The following ACOT13 variants were observed in gnomAD, a reference collection of about 807,000 sequenced individuals.
The protein encoded by ACOT13 is acyl-coenzyme A thioesterase 13.
ACOT13 carries 10 observed loss-of-function variants against 11.8 expected under a neutral mutation model. That is an observed-to-expected ratio of 0.85 (90% CI 0.53 to 1.44). The LOEUF is 1.44. Among genes scored for constraint, ACOT13 ranks in the 40% most tolerant of loss-of-function variants. ACOT13 has a pLI of 0.00. For missense variants in ACOT13, 172 were observed against 174.1 expected, an observed-to-expected ratio of 0.99 and a Z score of 0.07; for synonymous variants, 53 against 61.0, an observed-to-expected ratio of 0.87 and a Z score of 0.61.
chr6:24,698,789 C>T (rs1392053341), intron 2 of ACOT13, among the ~76,000 whole-genome samples: 1 of 151,996 alleles, frequency 6.6e-6, no homozygotes, highest in Non-Finnish European at 1.5e-5. Flanking sequence ...AGGTGTGCGC[C>T]ACCATGCTGG....
At chr6:24,698,717 A>G (rs1158434731) in intron 2 of ACOT13, among the ~76,000 whole-genome samples, 1 of 148,982 alleles carries the variant, frequency 6.7e-6, no homozygotes, top group Non-Finnish European at 1.5e-5. Flanking sequence ...GGCTCACTTC[A>G]GCCTCCGCCT....
intron 1 of ACOT13, among the ~76,000 whole-genome samples, chr6:24,670,668 G>C (rs1011367502): frequency 1.3e-5 from 2 of 152,302 alleles, no homozygotes; most frequent in South Asian, 2.1e-4. Context: ...ACAAATTCTG[G>C]AGAAATCAGG....
intron 1 of ACOT13, among the ~76,000 whole-genome samples, chr6:24,675,628 T>G (rs1778440044): frequency 6.6e-6 from 1 of 152,232 alleles, no homozygotes; most frequent in South Asian, 2.1e-4. Context: ...TTCTGGATAT[T>G]AGCCCTTTGT....
At chr6:24,667,441 T>C in intron 1 of ACOT13, 97 bp downstream of exon 1, 1 of 1,113,220 alleles carries the variant, frequency 9.0e-7, no homozygotes, top group Admixed American at 2.0e-5. Context: ...TATCTCTTGT[T>C]AGGTTGTGTT....
At chr6:24,683,269 G>A (rs181664462) in intron 1 of ACOT13, among the ~76,000 whole-genome samples, 84 of 152,338 alleles carry the variant, frequency 5.5e-4, no homozygotes, top group African/African-American at 1.9e-3. Flanking sequence ...TGGGCCCGGT[G>A]GCTCACGCCT....
Position 24,701,555 on chromosome 6 carries a change from C to T in ACOT13, c.363C>T (p.Thr121=). The T allele has an allele frequency of 8.1e-6, 13 of 1,613,640 alleles. No homozygotes were observed. The highest frequency in any genetic ancestry group is 1.1e-5 in the Non-Finnish European group (13 of 1,179,702). ...TTGCATTTACCTCTGTGGATCTGACCAACAAGGCCACAGGAAAATTAATAG... is the reference window on the plus strand; with the variant it reads ...TTGCATTTACCTCTGTGGATCTGACTAACAAGGCCACAGGAAAATTAATAG... ...KTLAFTSVDL[T]NKATGKLIAQ... The change falls in exon 3 of 3, where the codon ACC becomes ACT. Residue 121 remains threonine (T), a synonymous_variant. Transcript: ENST00000230048.
chr6:24,698,616 C>T (rs1463751115), intron 2 of ACOT13, among the ~76,000 whole-genome samples: 1 of 151,520 alleles, frequency 6.6e-6, no homozygotes, highest in African/African-American at 2.4e-5. Flanking sequence ...TAATCTTACT[C>T]TAACAAACTG....
chr6:24,687,933 A>C (rs1043938075), intron 1 of ACOT13, among the ~76,000 whole-genome samples: 13 of 151,732 alleles, frequency 8.6e-5, no homozygotes, highest in African/African-American at 3.1e-4. Flanking sequence ...GGCTGGTCTC[A>C]AACTCCTGAC....
chr6:24,688,475 G>A (rs1436177261), intron 1 of ACOT13, among the ~76,000 whole-genome samples: 1 of 151,404 alleles, frequency 6.6e-6, no homozygotes, highest in Non-Finnish European at 1.5e-5. Context: ...AGGAGGTCGA[G>A]GCTGCAGTGA....
At chr6:24,699,812 T>C (rs1273774458) in intron 2 of ACOT13, among the ~76,000 whole-genome samples, 2 of 152,218 alleles carry the variant, frequency 1.3e-5, no homozygotes, top group Non-Finnish European at 2.9e-5. Flanking sequence ...CATGATCTAC[T>C]AAGGTACTTT....
intron 1 of ACOT13, among the ~76,000 whole-genome samples, chr6:24,681,127 T>G (rs1778541506): frequency 6.6e-6 from 1 of 152,254 alleles, no homozygotes; most frequent in Non-Finnish European, 1.5e-5. Flanking sequence ...CATTACCCTT[T>G]TCTAACATAA....
chr6:24,703,108 C>A lies in ACOT13; in HGVS notation c.*1493C>A, dbSNP rs150319382. On this transcript the variant is annotated 3_prime_UTR_variant, in exon 3 of 3. Coordinates refer to ENST00000230048, the MANE Select transcript of ACOT13 (RefSeq NM_018473.4). ...CCCAGCCTCGTCTCAAACTCCTAGGCTCAAGCAATCCTCCTGCCTTGGCCC... is the reference window on the plus strand; with the variant it reads ...CCCAGCCTCGTCTCAAACTCCTAGGATCAAGCAATCCTCCTGCCTTGGCCC... The A allele has an allele frequency of 0.013, 2,004 of 152,510 alleles. 23 individuals carry two copies. Among genetic ancestry groups the A allele is most frequent in the Non-Finnish European group, 0.021 (1,408 of 68,188 alleles). 9.4% of individuals were successfully genotyped at this position (152,510 alleles called of 1,614,324 possible).
rs367692161 is a variant in ACOT13 at position 24,676,399 on chromosome 6, C to T, written c.81+9055C>T. Among the ~76,000 whole-genome samples, 271 of 151,896 alleles carry T rather than the reference C, an allele frequency of 1.8e-3. 4 individuals are homozygous for T. In the South Asian group the frequency reaches 0.036, roughly 20 times the overall value. ...CATTTGTTTGTGTCCTCTTTTATTT[C>T]GTTGAGCAGTGGTTTGTAGTTCTCC... is the stretch of plus-strand genomic sequence containing the variant. On this transcript the variant is annotated intron_variant, in intron 1 of 2. Coordinates refer to ENST00000230048, the MANE Select transcript of ACOT13 (RefSeq NM_018473.4).
chr6:24,676,953 TAG>T (rs1778464390), intron 1 of ACOT13, among the ~76,000 whole-genome samples: 1 of 152,242 alleles, frequency 6.6e-6, no homozygotes, highest in Non-Finnish European at 1.5e-5. Context: ...TAAGCGTACT[TAG>T]AGTCTGTATA....
intron 1 of ACOT13, among the ~76,000 whole-genome samples, chr6:24,672,695 T>A (rs1008080715): frequency 3.3e-5 from 5 of 152,164 alleles, no homozygotes; most frequent in East Asian, 1.9e-4. Context: ...TAACCTTTAT[T>A]AAGGAGTCAG....
chr6:24,698,372 CTG>C (rs1354524578), intron 2 of ACOT13, among the ~76,000 whole-genome samples: 2 of 152,164 alleles, frequency 1.3e-5, no homozygotes, highest in African/African-American at 2.4e-5. Flanking sequence ...TGGCTCATAA[CTG>C]TTTCATACAG....
At chr6:24,682,886 C>T (rs1360792579) in intron 1 of ACOT13, among the ~76,000 whole-genome samples, 4 of 152,202 alleles carry the variant, frequency 2.6e-5, no homozygotes, top group Non-Finnish European at 5.9e-5. Flanking sequence ...GTTTGTATCC[C>T]GATCCTTGTC....
At position 24,703,925 on chromosome 6, in the gene ACOT13, C is replaced by T. The variant is rs1306994319; in HGVS notation, c.*2310C>T. 3 of 152,078 alleles carry T rather than the reference C, an allele frequency of 2.0e-5. No homozygotes were observed. Among genetic ancestry groups the T allele is most frequent in the African/African-American group, 7.2e-5 (3 of 41,408 alleles). 9.4% of individuals were successfully genotyped at this position (152,078 alleles called of 1,614,324 possible). On this transcript the variant is annotated 3_prime_UTR_variant, in exon 3 of 3. Transcript: ENST00000230048. The stretch of plus-strand genomic sequence containing the variant: ...AATTTACAAGAAAAATTGCCCTGTA[C>T]TCCAAAAAACATAGAGGTCATGGAA...
At chr6:24,671,453 G>C (rs1157295203) in intron 1 of ACOT13, among the ~76,000 whole-genome samples, 3 of 151,642 alleles carry the variant, frequency 2.0e-5, no homozygotes, top group Non-Finnish European at 2.9e-5. Context: ...CACACACTGG[G>C]GCCTGTCGTG....
Sources: allele counts gnomAD v4.1 joint callset (sites outside exome capture counted in the v4.1 genomes callset), GRCh38; gene constraint gnomAD v4.1.1; transcripts MANE v1.5; gene names NCBI Gene and HGNC (gene_info 2026-07-23, HGNC 2026-07-21).